The following ZC2HC1B variants were observed in gnomAD, a reference collection of about 807,000 sequenced individuals.
ZC2HC1B encodes the protein zinc finger C2HC-type containing 1B.
ZC2HC1B carries 36 observed loss-of-function variants against 31.0 expected under a neutral mutation model. The ratio of observed to expected loss-of-function variants is 1.16; its 90% CI spans 0.89 to 1.54. The LOEUF (loss-of-function observed/expected upper bound fraction) is 1.54. Among genes scored for constraint, ZC2HC1B ranks in the 40% most tolerant of loss-of-function variants. The pLI is 0.00. For missense variants in ZC2HC1B, 260 were observed against 268.6 expected (o/e 0.97, Z 0.22); for synonymous variants, 73 against 88.0 (o/e 0.83, Z 0.95).
Position 143,908,627 on chromosome 6 carries a change from G to A in ZC2HC1B, c.598+5475G>A, listed in dbSNP as rs192825773. Among the ~76,000 whole-genome samples the A allele has an allele frequency of 1.3e-4, 20 of 152,296 alleles. No homozygotes were observed. Among genetic ancestry groups the A allele is most frequent in the African/African-American group, 4.8e-4 (20 of 41,570 alleles). On this transcript the variant is annotated intron_variant, in intron 6 of 7. Coordinates refer to ENST00000237275, the MANE Select transcript of ZC2HC1B (RefSeq NM_001013623.3). The surrounding 1 kb of genome is among the most constrained non-coding windows in gnomAD (Gnocchi z 4.4). ...CTAGCAATTTTTGCACATTGATTTT[G>A]TATTTTGAGACTTTGCTGAAGTTGC...
chr6:143,895,339 T>G lies in ZC2HC1B; in HGVS notation c.350-3213T>G, dbSNP rs1423184377. Among the ~76,000 whole-genome samples, 2 of 152,092 alleles carry G rather than the reference T, an allele frequency of 1.3e-5. No homozygotes were observed. Among genetic ancestry groups the G allele is most frequent in the Non-Finnish European group, 2.9e-5 (2 of 68,028 alleles). On this transcript the variant is annotated intron_variant, in intron 4 of 7. Coordinates refer to ENST00000237275, the MANE Select transcript of ZC2HC1B (RefSeq NM_001013623.3). This position sits in a 1 kb window ranked among gnomAD's most constrained non-coding sequence, Gnocchi z 4.8. ...CACCACGCCCAGCTGATTTCTGTATTTTTAGTAGAGATGGGGTTTCATCAT... is the reference window on the plus strand; with the variant it reads ...CACCACGCCCAGCTGATTTCTGTATGTTTAGTAGAGATGGGGTTTCATCAT...
At chr6:143,894,323 T>C (rs1777638000) in intron 4 of ZC2HC1B, among the ~76,000 whole-genome samples, 1 of 152,210 alleles carries the variant, frequency 6.6e-6, no homozygotes, top group Admixed American at 6.5e-5. Flanking sequence ...AGACTGGGTT[T>C]TGCAAAATAT....
In ZC2HC1B at chr6:143,877,963, G is replaced by A. The variant is rs1433329993; in HGVS notation, c.29-6341G>A. 8.0e-5 allele frequency among the ~76,000 whole-genome samples: 12 copies of A among 150,744 alleles called. 1 individual carries two copies. Among genetic ancestry groups the A allele is most frequent in the Non-Finnish European group, 1.5e-5 (1 of 67,672 alleles). On this transcript the variant is annotated intron_variant, in intron 1 of 7. Coordinates refer to ENST00000237275, the MANE Select transcript of ZC2HC1B (RefSeq NM_001013623.3). ...CTCTGCTTTCAGTATCACTATTCAT[G>A]AAATTAATCACTAGATTGTATATAT...
intron 1 of ZC2HC1B, among the ~76,000 whole-genome samples, chr6:143,875,180 C>A (rs1388984664): frequency 6.6e-6 from 1 of 152,092 alleles, no homozygotes; most frequent in Non-Finnish European, 1.5e-5. Flanking sequence ...ACTGTGTATC[C>A]CACTGTTAGA....
rs1213049602 is a variant in ZC2HC1B at position 143,922,651 on chromosome 6, C to T, written c.599-14998C>T. On this transcript the variant is annotated intron_variant, in intron 6 of 7. Coordinates refer to ENST00000237275, the MANE Select transcript of ZC2HC1B (RefSeq NM_001013623.3). The surrounding 1 kb of genome is among the most constrained non-coding windows in gnomAD (Gnocchi z 5.0). ...GTTCCATACACATTGCTGCAAATGA[C>T]AGGATATCATTCTTTTTTTGTGGCT... Among the ~76,000 whole-genome samples the T allele has an allele frequency of 3.3e-5, 5 of 152,150 alleles. No homozygotes were observed. The highest frequency in any genetic ancestry group is 2.6e-4 in the Admixed American group (4 of 15,278).
chr6:143,926,649 A>G (rs1221255201), intron 6 of ZC2HC1B, among the ~76,000 whole-genome samples: 1 of 152,026 alleles, frequency 6.6e-6, no homozygotes, highest in African/African-American at 2.4e-5. Context: ...TGCAATTTAA[A>G]TCTAATGTTC....
At chr6:143,906,279 G>C (rs531441802) in intron 6 of ZC2HC1B, among the ~76,000 whole-genome samples, 1 of 151,858 alleles carries the variant, frequency 6.6e-6, no homozygotes, top group South Asian at 2.1e-4. Flanking sequence ...TGTTTTTTAG[G>C]AATTCATCCA....
At chr6:143,896,344 T>C (rs1777666405) in intron 4 of ZC2HC1B, among the ~76,000 whole-genome samples, 1 of 152,218 alleles carries the variant, frequency 6.6e-6, no homozygotes, top group Non-Finnish European at 1.5e-5. Flanking sequence ...CCATGATCAT[T>C]GTCTTTGCCT....
chr6:143,910,418 G>T (rs1268990426), intron 6 of ZC2HC1B, among the ~76,000 whole-genome samples: 1 of 152,180 alleles, frequency 6.6e-6, no homozygotes, highest in Non-Finnish European at 1.5e-5. Flanking sequence ...GTGCCATGTG[G>T]CAATGAGAAG....
At chr6:143,912,827 C>A (rs1777875857) in intron 6 of ZC2HC1B, among the ~76,000 whole-genome samples, 1 of 152,160 alleles carries the variant, frequency 6.6e-6, no homozygotes, top group African/African-American at 2.4e-5. Context: ...CCAAGGCCCA[C>A]AGGCTGGACA....
rs373520987 is a variant in ZC2HC1B, at chr6:143,906,546, T to C, written c.598+3394T>C. ...GCAACCTCCACCTCCTGGCTTCAGG[T>C]GATTCTCCTGTCTCAGCCTCTCCAG... is the stretch of plus-strand genomic sequence containing the variant. On this transcript the variant is annotated intron_variant, in intron 6 of 7. Transcript: ENST00000237275. Among the ~76,000 whole-genome samples, 35 of 152,134 alleles carry C rather than the reference T, an allele frequency of 2.3e-4. 1 individual carries two copies. The highest frequency in any genetic ancestry group is 6.8e-3 in the Middle Eastern group (2 of 294).
Position 143,903,981 on chromosome 6 carries a change from C to T in ZC2HC1B, c.598+829C>T, listed in dbSNP as rs1777765497. On this transcript the variant is annotated intron_variant, in intron 6 of 7. Coordinates refer to ENST00000237275, the MANE Select transcript of ZC2HC1B (RefSeq NM_001013623.3). This position sits in a 1 kb window ranked among gnomAD's most constrained non-coding sequence, Gnocchi z 4.3. Reference sequence around the variant, plus strand: ...GATGTGGAACCCATGGGAACAGAGGCTGACTGTAATTTCTTCAAAGTAGCA... The same window carrying T: ...GATGTGGAACCCATGGGAACAGAGGTTGACTGTAATTTCTTCAAAGTAGCA... 6.6e-6 allele frequency among the ~76,000 whole-genome samples: 1 copy of T among 152,180 alleles called. No homozygotes were observed. Among genetic ancestry groups the T allele is most frequent in the Admixed American group, 6.5e-5 (1 of 15,280 alleles).
chr6:143,866,815 ATATT>A lies in ZC2HC1B; in HGVS notation c.28+2251_28+2254del, dbSNP rs201987773. On this transcript the variant is annotated intron_variant, in intron 1 of 7. Transcript: ENST00000237275. ...TTTTAATTGTGAAACTTACAGGAGA[ATATT>A]TAAAGCAAACACAGGGCCACTGTTC... Among the ~76,000 whole-genome samples, 318 of 152,342 alleles carry A rather than the reference ATATT, an allele frequency of 2.1e-3. 2 individuals are homozygous for A. Among genetic ancestry groups the A allele is most frequent in the African/African-American group, 7.4e-3 (309 of 41,592 alleles).
At chr6:143,873,488 G>C (rs944788121) in intron 1 of ZC2HC1B, among the ~76,000 whole-genome samples, 1 of 152,234 alleles carries the variant, frequency 6.6e-6, no homozygotes, top group African/African-American at 2.4e-5. Context: ...TCTACCCCCA[G>C]ATTTCCCTTC....
At position 143,870,842 on chromosome 6, in the gene ZC2HC1B, C is replaced by T. The variant is rs1049032345; in HGVS notation, c.28+6275C>T. 6.6e-6 allele frequency among the ~76,000 whole-genome samples: 1 copy of T among 152,226 alleles called. No homozygotes were observed. The highest frequency in any genetic ancestry group is 2.4e-5 in the African/African-American group (1 of 41,454). On this transcript the variant is annotated intron_variant, in intron 1 of 7. Transcript: ENST00000237275. The surrounding 1 kb of genome is among the most constrained non-coding windows in gnomAD (Gnocchi z 4.7). Reference sequence around the variant, plus strand: ...ACTGACACCTCAAGTACCATTGGATCTGCTGGGTCATATGGCCCAATTGAC... The same window carrying T: ...ACTGACACCTCAAGTACCATTGGATTTGCTGGGTCATATGGCCCAATTGAC...
At chr6:143,931,169 C>T (rs1366582635) in intron 6 of ZC2HC1B, among the ~76,000 whole-genome samples, 1 of 152,148 alleles carries the variant, frequency 6.6e-6, no homozygotes, top group East Asian at 1.9e-4. Context: ...TCTTTTTCCA[C>T]TCCTTTACCT....
chr6:143,874,648 A>G (rs1777385202), intron 1 of ZC2HC1B, among the ~76,000 whole-genome samples: 1 of 151,896 alleles, frequency 6.6e-6, no homozygotes. Flanking sequence ...CCCCTGAAAA[A>G]CCCATCAGAT....
At chr6:143,900,295 AG>A (rs1777720423) in intron 5 of ZC2HC1B, among the ~76,000 whole-genome samples, 1 of 151,708 alleles carries the variant, frequency 6.6e-6, no homozygotes, top group South Asian at 2.1e-4. Context: ...AGGCTGAGGC[AG>A]GAGAATTGCT....
intron 4 of ZC2HC1B, among the ~76,000 whole-genome samples, chr6:143,892,602 CTCT>C (rs1182029528): frequency 6.6e-6 from 1 of 152,020 alleles, no homozygotes; most frequent in Non-Finnish European, 1.5e-5. Context: ...CCAGCCCAGG[CTCT>C]TCTTAACAAT....
Sources: gnomAD v4.1 joint callset for allele counts (sites outside exome capture counted in the v4.1 genomes callset) on GRCh38, gnomAD v4.1.1 for gene constraint, Gnocchi (gnomAD v3.1) non-coding constraint, MANE v1.5 for transcripts, NCBI Gene and HGNC (gene_info 2026-07-23, HGNC 2026-07-21) for gene names.